The following CNTNAP2 variants were observed in gnomAD, a reference collection of about 807,000 sequenced individuals.
CNTNAP2 encodes the protein contactin-associated protein-like 2.
In CNTNAP2, 98 loss-of-function variants were observed where a neutral mutation model predicts 155.2. The observed-to-expected ratio is 0.63, with a 90% CI of 0.54 to 0.75. The LOEUF (loss-of-function observed/expected upper bound fraction) is 0.75, where lower values mean the gene tolerates loss of function less well. CNTNAP2 is among the 30% of genes least tolerant of loss of function. The pLI is 0.00. For missense variants in CNTNAP2, 1,727 were observed against 1,688.1 expected, an observed-to-expected ratio of 1.02 and a Z score of -0.40; for synonymous variants, 651 against 631.2, an observed-to-expected ratio of 1.03 and a Z score of -0.47.
At chr7:146,163,107 G>A (rs1048206991) in intron 1 of CNTNAP2, among the ~76,000 whole-genome samples, 3 of 151,960 alleles carry the variant, frequency 2.0e-5, no homozygotes, top group Non-Finnish European at 4.4e-5. Context: ...TTACACATAC[G>A]TAACAAACCT....
intron 1 of CNTNAP2, among the ~76,000 whole-genome samples, chr7:146,304,892 A>G (rs1235053713): frequency 6.6e-6 from 1 of 151,852 alleles, no homozygotes; most frequent in East Asian, 1.9e-4. Context: ...TCTCCCCCTC[A>G]CTTTCAGGTA....
At chr7:147,802,523 T>C (rs369823377) in intron 13 of CNTNAP2, among the ~76,000 whole-genome samples, 21 of 152,308 alleles carry the variant, frequency 1.4e-4, no homozygotes, top group South Asian at 1.0e-3. Context: ...TCTGCAATCC[T>C]GGCACCTCGG....
At chr7:146,886,134 A>AT (rs1562987334) in intron 3 of CNTNAP2, among the ~76,000 whole-genome samples, 1 of 151,988 alleles carries the variant, frequency 6.6e-6, no homozygotes, top group African/African-American at 2.4e-5. Flanking sequence ...ATCAAAACTG[A>AT]TTTTAAAAGA....
chr7:146,805,805 T>C (rs1802957074), intron 2 of CNTNAP2, among the ~76,000 whole-genome samples: 2 of 152,250 alleles, frequency 1.3e-5, no homozygotes, highest in Non-Finnish European at 2.9e-5. Context: ...TTTATATTTA[T>C]TTGAACTGTT....
At chr7:146,424,983 C>T (rs1049540636) in intron 1 of CNTNAP2, among the ~76,000 whole-genome samples, 7 of 151,986 alleles carry the variant, frequency 4.6e-5, no homozygotes, top group South Asian at 2.1e-4. Flanking sequence ...CAATCTAATA[C>T]GTTTTCAATT....
In CNTNAP2 at chr7:147,213,259, G is replaced by A. The variant is rs553183292; in HGVS notation, c.1348+80750G>A. 1.1e-3 allele frequency among the ~76,000 whole-genome samples: 163 copies of A among 152,234 alleles called. 1 individual carries two copies. The highest frequency in any genetic ancestry group is 3.6e-3 in the African/African-American group (150 of 41,544). On this transcript the variant is annotated intron_variant, in intron 8 of 23. Coordinates refer to ENST00000361727, the MANE Select transcript of CNTNAP2 (RefSeq NM_014141.6). ...ACAGAAGCAAATTCACCCTCTCTTC[G>A]TCTCTTTGTTCTATCCAAACCCTCA...
intron 14 of CNTNAP2, among the ~76,000 whole-genome samples, chr7:147,974,958 A>T (rs180703344): frequency 1.4e-4 from 21 of 151,540 alleles, no homozygotes; most frequent in Admixed American, 1.2e-3. Context: ...TTTTATTTAT[A>T]TAATACAATC....
intron 13 of CNTNAP2, among the ~76,000 whole-genome samples, chr7:147,885,010 C>G (rs756620550): frequency 2.6e-5 from 4 of 152,180 alleles, no homozygotes; most frequent in Non-Finnish European, 5.9e-5. Context: ...AGAATGGATG[C>G]ATTTTTCAGA....
At chr7:147,893,366 T>C (rs975338582) in intron 13 of CNTNAP2, among the ~76,000 whole-genome samples, 3 of 152,246 alleles carry the variant, frequency 2.0e-5, no homozygotes, top group Non-Finnish European at 4.4e-5. Context: ...TAAATTGAGA[T>C]GTTACTATAG....
intron 1 of CNTNAP2, among the ~76,000 whole-genome samples, chr7:146,223,451 T>G (rs1338284084): frequency 1.3e-5 from 2 of 152,200 alleles, no homozygotes; most frequent in Non-Finnish European, 2.9e-5. Flanking sequence ...CACTGAGACC[T>G]GGTCACTAGC....
chr7:147,851,924 A>T (rs1256623413), intron 13 of CNTNAP2, among the ~76,000 whole-genome samples: 1 of 151,748 alleles, frequency 6.6e-6, no homozygotes, highest in African/African-American at 2.4e-5. Context: ...AATAAGAATA[A>T]TAATAAATTA....
At chr7:146,424,654 G>C (rs796619877) in intron 1 of CNTNAP2, among the ~76,000 whole-genome samples, 1 of 152,104 alleles carries the variant, frequency 6.6e-6, no homozygotes, top group Non-Finnish European at 1.5e-5. Flanking sequence ...TTTTATATCC[G>C]TGTAGGGAAC....
chr7:147,756,650 C>T (rs944251216), intron 13 of CNTNAP2, among the ~76,000 whole-genome samples: 1 of 152,116 alleles, frequency 6.6e-6, no homozygotes, highest in Admixed American at 6.5e-5. Flanking sequence ...AAAAATACTA[C>T]TTTGAATAAT....
At chr7:146,757,626 A>C (rs1252531417) in intron 1 of CNTNAP2, among the ~76,000 whole-genome samples, 1 of 152,190 alleles carries the variant, frequency 6.6e-6, no homozygotes, top group Non-Finnish European at 1.5e-5. Flanking sequence ...TCACTTGATC[A>C]AGAGAGTTGA....
At chr7:147,005,474 AAGAAGTTTATT>A (rs1798508396) in intron 3 of CNTNAP2, among the ~76,000 whole-genome samples, 1 of 152,072 alleles carries the variant, frequency 6.6e-6, no homozygotes, top group Non-Finnish European at 1.5e-5. Context: ...TAAAAGCAAA[AAGAAGTTTATT>A]AACTTGTATA....
intron 9 of CNTNAP2, among the ~76,000 whole-genome samples, chr7:147,304,821 A>T (rs1222447638): frequency 5.3e-5 from 8 of 152,222 alleles, no homozygotes; most frequent in African/African-American, 9.6e-5. Flanking sequence ...GGTCTAAACA[A>T]CATAAATATG....
intron 1 of CNTNAP2, among the ~76,000 whole-genome samples, chr7:146,474,003 G>A (rs1204014360): frequency 1.3e-5 from 2 of 152,108 alleles, no homozygotes; most frequent in Non-Finnish European, 2.9e-5. Flanking sequence ...CTGGGTGGAT[G>A]GCCGAGGTCA....
intron 16 of CNTNAP2, among the ~76,000 whole-genome samples, chr7:148,145,754 C>G (rs539465703): frequency 6.6e-6 from 1 of 152,296 alleles, no homozygotes; most frequent in East Asian, 1.9e-4. Flanking sequence ...TTATCATCTT[C>G]CTGCATTCTG....
intron 3 of CNTNAP2, among the ~76,000 whole-genome samples, chr7:146,996,359 T>A (rs1798308519): frequency 6.6e-6 from 1 of 152,128 alleles, no homozygotes; most frequent in Admixed American, 6.6e-5. Context: ...ACATAAAGTC[T>A]TCCTTTTTAT....
Sources: gnomAD v4.1 joint callset for allele counts (sites outside exome capture counted in the v4.1 genomes callset) on GRCh38, gnomAD v4.1.1 for gene constraint, MANE v1.5 for transcripts, NCBI Gene and HGNC (gene_info 2026-07-23, HGNC 2026-07-21) for gene names.